The following PTPRG variants were observed in gnomAD, a reference collection of about 807,000 sequenced individuals.
The protein encoded by PTPRG is protein tyrosine phosphatase receptor type G, also known as receptor-type tyrosine-protein phosphatase gamma.
Under a neutral mutation model 165.3 loss-of-function variants are expected in PTPRG, and 102 were observed. That is an observed-to-expected ratio of 0.62 (90% CI 0.53 to 0.73). The LOEUF (loss-of-function observed/expected upper bound fraction) is 0.73, where lower values mean the gene tolerates loss of function less well. Among genes scored for constraint, PTPRG ranks in the 30% least tolerant of loss-of-function variants. The pLI is 0.00. For synonymous variants in PTPRG, 675 were observed against 669.5 expected (o/e 1.01, Z -0.13); for missense variants, 1,866 against 1,861.4 (o/e 1.00, Z -0.05).
chr3:61,646,344 C>T (rs1481544392), intron 1 of PTPRG, among the ~76,000 whole-genome samples: 1 of 152,212 alleles, frequency 6.6e-6, no homozygotes, highest in Non-Finnish European at 1.5e-5. Flanking sequence ...CTTCTGAGCT[C>T]AAGTGATAAC....
At chr3:61,780,716 G>C (rs1222670665) in intron 2 of PTPRG, among the ~76,000 whole-genome samples, 2 of 152,146 alleles carry the variant, frequency 1.3e-5, no homozygotes, top group Non-Finnish European at 2.9e-5. Flanking sequence ...CACCCCATGA[G>C]ACAGTTGTAT....
chr3:62,063,087 G>C (rs1575954373), intron 4 of PTPRG, among the ~76,000 whole-genome samples: 2 of 152,168 alleles, frequency 1.3e-5, no homozygotes, highest in East Asian at 3.8e-4. Context: ...TCTCAATTTT[G>C]CATATTTGGA....
chr3:61,857,905 C>T (rs1263160467), intron 2 of PTPRG, among the ~76,000 whole-genome samples: 1 of 152,112 alleles, frequency 6.6e-6, no homozygotes. Context: ...GGGCTCTCCT[C>T]TGATATTTAG....
At chr3:62,120,077 C>T (rs983983794) in intron 5 of PTPRG, among the ~76,000 whole-genome samples, 17 of 152,172 alleles carry the variant, frequency 1.1e-4, no homozygotes, top group African/African-American at 4.1e-4. Context: ...TTGTTGTAGT[C>T]TACTTTTGTT....
At chr3:61,762,293 T>A (rs999820606) in intron 2 of PTPRG, among the ~76,000 whole-genome samples, 2 of 152,182 alleles carry the variant, frequency 1.3e-5, no homozygotes, top group African/African-American at 4.8e-5. Flanking sequence ...TCAAGGCCAA[T>A]TGAGCTGCAT....
At chr3:61,813,387 C>T (rs1487732863) in intron 2 of PTPRG, among the ~76,000 whole-genome samples, 1 of 146,338 alleles carries the variant, frequency 6.8e-6, no homozygotes, top group Non-Finnish European at 1.5e-5. Context: ...TGGTGACATG[C>T]ACCTGTAATC....
chr3:61,647,540 C>T (rs1431032408), intron 1 of PTPRG, among the ~76,000 whole-genome samples: 2 of 152,102 alleles, frequency 1.3e-5, no homozygotes, highest in African/African-American at 2.4e-5. Flanking sequence ...CCTGTAATCC[C>T]AGCACTTTGG....
chr3:62,169,648 G>T (rs983205544), intron 8 of PTPRG, among the ~76,000 whole-genome samples: 2 of 152,048 alleles, frequency 1.3e-5, no homozygotes, highest in Non-Finnish European at 2.9e-5. Context: ...TTGGAAGGGA[G>T]GAAGGAAAAA....
chr3:61,930,828 G>C (rs1184596170), intron 2 of PTPRG, among the ~76,000 whole-genome samples: 2 of 152,190 alleles, frequency 1.3e-5, no homozygotes, highest in East Asian at 3.8e-4. Context: ...GGGAGGCCGA[G>C]GCCGGTGGAT....
At chr3:61,846,669 ACTTG>A (rs1559646256) in intron 2 of PTPRG, among the ~76,000 whole-genome samples, 1 of 152,146 alleles carries the variant, frequency 6.6e-6, no homozygotes, top group Non-Finnish European at 1.5e-5. Flanking sequence ...TAATCCCAGC[ACTTG>A]GGAGGTTGAA....
At chr3:62,156,757 T>A (rs1704552461) in intron 6 of PTPRG, among the ~76,000 whole-genome samples, 1 of 152,204 alleles carries the variant, frequency 6.6e-6, no homozygotes, top group African/African-American at 2.4e-5. Flanking sequence ...TCAGAGATTT[T>A]GGTATGCTAG....
At chr3:62,099,255 C>T (rs925932717) in intron 5 of PTPRG, among the ~76,000 whole-genome samples, 2 of 152,184 alleles carry the variant, frequency 1.3e-5, no homozygotes, top group African/African-American at 4.8e-5. Context: ...CTATTTCTGC[C>T]TCACCATTAA....
At chr3:61,610,758 C>CCTCCCTCCCTCCCTCCCTCCCTCT (rs1553640591) in intron 1 of PTPRG, among the ~76,000 whole-genome samples, 8 of 125,422 alleles carry the variant, frequency 6.4e-5, no homozygotes, top group African/African-American at 2.5e-4. Flanking sequence ...TGCCTCCCTC[C>CCTCCCTCCCTCCCTCCCTCCCTCT]CTCCCTCCCT....
rs1489361338 is a variant in PTPRG at position 62,293,247 on chromosome 3, T to C, written c.4278T>C (p.Asn1426=). ...NGNGPMTVDK[N]GAVLIADESD... Reference sequence around the variant, plus strand: ...ATGGTCCCATGACAGTAGACAAAAATGGTGCTGTTCTTATTGCAGATGAAT... The same window carrying C: ...ATGGTCCCATGACAGTAGACAAAAACGGTGCTGTTCTTATTGCAGATGAAT... The change falls in exon 30 of 30, where the codon AAT becomes AAC. Residue 1426 remains asparagine (N), a synonymous_variant. Transcript: ENST00000474889. 7 of 1,612,168 alleles carry C rather than the reference T, an allele frequency of 4.3e-6. No individual in the cohort carries two copies. The highest frequency in any genetic ancestry group is 5.9e-6 in the Non-Finnish European group (7 of 1,179,224).
At chr3:61,910,699 T>G (rs989034189) in intron 2 of PTPRG, among the ~76,000 whole-genome samples, 3 of 152,198 alleles carry the variant, frequency 2.0e-5, no homozygotes, top group Non-Finnish European at 4.4e-5. Context: ...TCTTTTTGTC[T>G]TTTAACAATC....
chr3:62,176,791 A>G (rs1173522880), intron 8 of PTPRG, among the ~76,000 whole-genome samples: 1 of 152,158 alleles, frequency 6.6e-6, no homozygotes, highest in Non-Finnish European at 1.5e-5. Context: ...TACCTGGTAC[A>G]TAGTAGGTGC....
At chr3:61,723,394 AC>A (rs1194404033) in intron 1 of PTPRG, among the ~76,000 whole-genome samples, 1 of 151,970 alleles carries the variant, frequency 6.6e-6, no homozygotes, top group African/African-American at 2.4e-5. Flanking sequence ...CCTTGGTATT[AC>A]CATTATAAAT....
chr3:61,980,194 T>G (rs1389110012), intron 2 of PTPRG, among the ~76,000 whole-genome samples: 2 of 152,194 alleles, frequency 1.3e-5, no homozygotes, highest in Non-Finnish European at 2.9e-5. Context: ...ACTGCCAGTT[T>G]TGTTTTGCTC....
intron 2 of PTPRG, among the ~76,000 whole-genome samples, chr3:61,830,543 T>C (rs893563228): frequency 6.7e-6 from 1 of 149,684 alleles, no homozygotes; most frequent in South Asian, 2.1e-4. Context: ...TACTTAAAAC[T>C]GGTGATGGTT....
Sources: gnomAD v4.1 joint callset for allele counts (sites outside exome capture counted in the v4.1 genomes callset) on GRCh38, gnomAD v4.1.1 for gene constraint, MANE v1.5 for transcripts, NCBI Gene and HGNC (gene_info 2026-07-23, HGNC 2026-07-21) for gene names.